MED15: variants seen among roughly 807,000 people sequenced by gnomAD.
MED15 encodes the protein mediator complex subunit 15.
Under a neutral mutation model 118.7 loss-of-function variants are expected in MED15, and 41 were observed. That is an observed-to-expected ratio of 0.35 (90% CI 0.27 to 0.45). The LOEUF is 0.45. Among genes scored for constraint, MED15 ranks in the 20% least tolerant of loss-of-function variants. The probability of loss-of-function intolerance (pLI) is 1.00; values close to 1 mark genes in which losing one functional copy is unlikely to be tolerated. For synonymous variants in MED15, 436 were observed against 413.9 expected (o/e 1.05, Z -0.65); for missense variants, 740 against 1,025.5 (o/e 0.72, Z 3.80).
At chr22:20,581,105 G>A (rs113999489) in intron 9 of MED15, among the ~76,000 whole-genome samples, 1,622 of 152,276 alleles carry the variant, frequency 0.011, 28 homozygotes, top group African/African-American at 0.036. Flanking sequence ...TTGTGGTCAC[G>A]CTCTGTGCCT....
intron 3 of MED15, 120 bp from the exon 4 acceptor site, chr22:20,553,025 C>G: frequency 4.5e-6 from 4 of 892,770 alleles, no homozygotes; most frequent in Non-Finnish European, 7.1e-6. Context: ...GTGGGGAGTA[C>G]TAGGAGCTCC....
At chr22:20,527,257 CTT>C (rs1365801869) in intron 1 of MED15, among the ~76,000 whole-genome samples, 1 of 152,136 alleles carries the variant, frequency 6.6e-6, no homozygotes, top group Non-Finnish European at 1.5e-5. Context: ...TTTTCTATCT[CTT>C]TTACTTTTAG....
At chr22:20,535,939 G>T (rs1385157566) in intron 1 of MED15, among the ~76,000 whole-genome samples, 1 of 141,636 alleles carries the variant, frequency 7.1e-6, no homozygotes, top group African/African-American at 2.7e-5. Flanking sequence ...GTGCAGTGGC[G>T]CAATCTCGGC....
In MED15 at chr22:20,568,517, C is replaced by G. The variant is rs765298988; in HGVS notation, c.1042-4C>G. ...CAAATCACATTCTCTCTTTCTCCCT[C>G]AAGGTCCGAGCTCCGATGGTGGTGC... is the stretch of plus-strand genomic sequence containing the variant. On this transcript the variant is annotated splice_region_variant and splice_polypyrimidine_tract_variant and intron_variant, in intron 7 of 17. Transcript: ENST00000263205. 6.2e-7 allele frequency: 1 copy of G among 1,613,282 alleles called. No homozygotes were observed. The highest frequency in any genetic ancestry group is 8.5e-7 in the Non-Finnish European group (1 of 1,179,906).
At chr22:20,535,621 G>A (rs6001632) in intron 1 of MED15, among the ~76,000 whole-genome samples, 3,883 of 151,076 alleles carry the variant, frequency 0.026, 172 homozygotes, top group African/African-American at 0.089. Flanking sequence ...GTGCAGTGGC[G>A]CAATCTCCGC....
chr22:20,508,895 C>T (rs1432260290), intron 1 of MED15, among the ~76,000 whole-genome samples: 1 of 152,184 alleles, frequency 6.6e-6, no homozygotes, highest in East Asian at 1.9e-4. Flanking sequence ...GACACAGCCC[C>T]TTTCCTGAGG....
intron 9 of MED15, among the ~76,000 whole-genome samples, chr22:20,577,900 T>C (rs1406169216): frequency 6.6e-6 from 1 of 152,092 alleles, no homozygotes; most frequent in Non-Finnish European, 1.5e-5. Flanking sequence ...GGTTTTGTTC[T>C]GTTATTTTGT....
intron 8 of MED15, among the ~76,000 whole-genome samples, chr22:20,573,327 T>C (rs1388618725): frequency 6.6e-6 from 1 of 152,234 alleles, no homozygotes; most frequent in Non-Finnish European, 1.5e-5. Flanking sequence ...ATTCTTTTAG[T>C]ATGTGAAAAC....
chr22:20,584,500 C>T, intron 14 of MED15, 75 bp downstream of exon 14: 1 of 1,527,990 alleles, frequency 6.5e-7, no homozygotes, highest in African/African-American at 1.4e-5. Context: ...CTGAGAGGGC[C>T]TTCAAGGTCA....
At chr22:20,517,931 C>A (rs2054310395) in intron 1 of MED15, among the ~76,000 whole-genome samples, 2 of 152,158 alleles carry the variant, frequency 1.3e-5, no homozygotes, top group South Asian at 4.1e-4. Flanking sequence ...AGGGCGCAAT[C>A]AGGAAAGTAT....
intron 9 of MED15, chr22:20,582,187 G>A (rs1056727879): frequency 6.5e-5 from 16 of 247,442 alleles, no homozygotes; most frequent in African/African-American, 3.5e-4. Flanking sequence ...GGAAGCATGT[G>A]GGAAGACGGT....
intron 2 of MED15, among the ~76,000 whole-genome samples, chr22:20,546,068 G>T (rs1395866072): frequency 6.6e-6 from 1 of 152,134 alleles, no homozygotes; most frequent in South Asian, 2.1e-4. Flanking sequence ...CAATGGGAAG[G>T]CCTCTTTCAA....
At chr22:20,523,196 A>T (rs2054521704) in intron 1 of MED15, among the ~76,000 whole-genome samples, 1 of 152,028 alleles carries the variant, frequency 6.6e-6, no homozygotes, top group South Asian at 2.1e-4. Flanking sequence ...TGAGACTGTG[A>T]GTTCAGTTTT....
chr22:20,514,716 C>T (rs1350921252), intron 1 of MED15, among the ~76,000 whole-genome samples: 2 of 152,296 alleles, frequency 1.3e-5, no homozygotes, highest in South Asian at 4.1e-4. Context: ...ACAAAACATA[C>T]AACTGAACAG....
At position 20,552,811 on chromosome 22, in the gene MED15, T is replaced by A. The variant is rs1406088512; in HGVS notation, c.209-334T>A. ...CGTGGGTTCCTGTAGTGTTCTATTA[T>A]TTGTTTGCTCAGGGCTGAGCTGAGA... On this transcript the variant is annotated intron_variant, in intron 3 of 17. Transcript: ENST00000263205. The A allele has an allele frequency of 1.0e-4, 33 of 314,602 alleles. 1 individual carries two copies. The highest frequency in any genetic ancestry group is 9.6e-4 in the South Asian group (27 of 27,984). The allele number at this position is 314,602 out of a possible 1,614,324, so 19.5% of individuals were successfully genotyped here. A position where few individuals can be genotyped will look rare whatever the true frequency, so the allele number is the denominator to read the frequency against.
intron 2 of MED15, among the ~76,000 whole-genome samples, chr22:20,541,062 A>T (rs531741177): frequency 6.6e-6 from 1 of 152,152 alleles, no homozygotes; most frequent in African/African-American, 2.4e-5. Flanking sequence ...CCCTGTCTCT[A>T]CTTAAAATAC....
Position 20,564,841 on chromosome 22 carries a change from T to C in MED15, c.690+153T>C, listed in dbSNP as rs2056377872. On this transcript the variant is annotated intron_variant, in intron 6 of 17. Transcript: ENST00000263205. Reference sequence around the variant, plus strand: ...TTTTCCATGGGCTTCTCAAAAAGTCTGGGACAAGGCCGGGCCCAGTGGCTC... The same window carrying C: ...TTTTCCATGGGCTTCTCAAAAAGTCCGGGACAAGGCCGGGCCCAGTGGCTC... 2.6e-5 allele frequency among the ~76,000 whole-genome samples: 4 copies of C among 152,166 alleles called. No homozygotes were observed. The South Asian group carries it at 8.3e-4, about 32-fold the overall frequency.
rs6002534 is a variant in MED15, at chr22:20,558,760, C to G, written c.451+3612C>G. 2.6e-3 allele frequency among the ~76,000 whole-genome samples: 397 copies of G among 152,154 alleles called. 1 individual carries two copies. The highest frequency in any genetic ancestry group is 8.3e-3 in the African/African-American group (343 of 41,490). The stretch of plus-strand genomic sequence containing the variant: ...TTTGTGCTGGGTCCTGTGTCACCCC[C>G]CATACCCCCCAGAAGCAGGTGCAGA... On this transcript the variant is annotated intron_variant, in intron 5 of 17. Coordinates refer to ENST00000263205, the MANE Select transcript of MED15 (RefSeq NM_001003891.3).
intron 8 of MED15, among the ~76,000 whole-genome samples, chr22:20,570,267 C>T (rs2056596869): frequency 6.6e-6 from 1 of 152,034 alleles, no homozygotes; most frequent in South Asian, 2.1e-4. Context: ...TCGTGATCTG[C>T]CGGCCTTGGC....
Sources: gnomAD v4.1 joint callset for allele counts (sites outside exome capture counted in the v4.1 genomes callset) on GRCh38, gnomAD v4.1.1 for gene constraint, MANE v1.5 for transcripts, NCBI Gene and HGNC (gene_info 2026-07-23, HGNC 2026-07-21) for gene names.